LPIN2: variants seen among roughly 807,000 people sequenced by gnomAD.
The protein encoded by LPIN2 is lipin 2.
Under a neutral mutation model 111.4 loss-of-function variants are expected in LPIN2, and 55 were observed. The ratio of observed to expected loss-of-function variants is 0.49; its 90% CI spans 0.40 to 0.62. The LOEUF (loss-of-function observed/expected upper bound fraction) is 0.62. Ranked by LOEUF, LPIN2 falls within the 20% of genes least tolerant of loss-of-function variation. The pLI is 0.00. For missense variants in LPIN2, 992 were observed against 1,112.1 expected (o/e 0.89, Z 1.54); for synonymous variants, 425 against 414.0 (o/e 1.03, Z -0.32).
At chr18:2,994,979 C>G (rs940610761) in intron 1 of LPIN2, among the ~76,000 whole-genome samples, 2 of 152,126 alleles carry the variant, frequency 1.3e-5, no homozygotes, top group African/African-American at 4.8e-5. Context: ...CCACAGCTCT[C>G]CCACTTGATA....
In LPIN2 at chr18:2,918,260, A is replaced by C. The variant is rs1188752650; in HGVS notation, c.*2033T>G. The C allele has an allele frequency of 6.6e-6, 1 of 152,348 alleles. No homozygotes were observed. Among genetic ancestry groups the C allele is most frequent in the Middle Eastern group, 3.4e-3 (1 of 294 alleles). The allele number at this position is 152,348 out of a possible 1,614,324, so 9.4% of individuals were successfully genotyped here. ...TAAGAAGGCCCATGTGTCCAAAGAG[A>C]AGAGCTGTCAAGAAAAAGAAACTAG... On this transcript the variant is annotated 3_prime_UTR_variant, in exon 20 of 20. Coordinates refer to ENST00000677752, the MANE Select transcript of LPIN2 (RefSeq NM_001375808.2).
chr18:2,989,285 C>T (rs1002911163), intron 1 of LPIN2, among the ~76,000 whole-genome samples: 2 of 151,796 alleles, frequency 1.3e-5, no homozygotes, highest in Non-Finnish European at 2.9e-5. Context: ...TTTCTAAAAT[C>T]TCAAACATTA....
chr18:2,996,369 T>C (rs1468492619), intron 1 of LPIN2, among the ~76,000 whole-genome samples: 1 of 151,708 alleles, frequency 6.6e-6, no homozygotes, highest in Admixed American at 6.6e-5. Context: ...GGTTCTTTTA[T>C]AATGTCCATC....
intron 1 of LPIN2, among the ~76,000 whole-genome samples, chr18:2,995,847 C>T (rs1228847386): frequency 6.6e-6 from 1 of 152,098 alleles, no homozygotes; most frequent in Non-Finnish European, 1.5e-5. Context: ...AAAATGTTTT[C>T]CAGAATGACA....
chr18:2,987,876 T>G (rs1391463132), intron 1 of LPIN2, among the ~76,000 whole-genome samples: 2 of 151,818 alleles, frequency 1.3e-5, no homozygotes, highest in African/African-American at 4.8e-5. Flanking sequence ...TCATCTCTAC[T>G]AAAAATACAA....
intron 14 of LPIN2, 126 bp from the exon 15 acceptor site, chr18:2,924,672 A>G (rs2077104522): frequency 1.8e-5 from 17 of 922,434 alleles, no homozygotes; most frequent in Non-Finnish European, 2.9e-5. Flanking sequence ...GGGGTCTTAG[A>G]CACAGCCCAC....
intron 7 of LPIN2, among the ~76,000 whole-genome samples, chr18:2,935,988 G>T (rs887832124): frequency 7.2e-5 from 11 of 152,192 alleles, no homozygotes; most frequent in African/African-American, 2.7e-4. Context: ...AAAAGAACTG[G>T]ATTTCCCCCC....
rs55844718 is a variant in LPIN2 at position 2,956,311 on chromosome 18, G to GGTGTGTGTGTGTGTGT, written c.193-1728_193-1713dup. ...CATGATTTTCATATATAGATGCAGG[G>GGTGTGTGTGTGTGTGT]GTGTGTGTGTGTGTGTGTGTGTGTG... On this transcript the variant is annotated intron_variant, in intron 2 of 19. Coordinates refer to ENST00000677752, the MANE Select transcript of LPIN2 (RefSeq NM_001375808.2). Among the ~76,000 whole-genome samples, 715 of 144,036 alleles carry GGTGTGTGTGTGTGTGT rather than the reference G, an allele frequency of 5.0e-3. 14 individuals carry two copies. The highest frequency in any genetic ancestry group is 0.015 in the South Asian group (70 of 4,538). 94.5% of individuals were successfully genotyped at this position (144,036 alleles called of 152,430 possible).
intron 1 of LPIN2, among the ~76,000 whole-genome samples, chr18:3,012,587 C>T (rs1225730070): frequency 6.6e-6 from 1 of 152,200 alleles, no homozygotes; most frequent in African/African-American, 2.4e-5. Context: ...GAAGAAACAC[C>T]AGCAACTCGG....
Position 2,926,745 on chromosome 18 carries a change from A to G in LPIN2, c.1771T>C (p.Ser591Pro). 1 of 1,613,494 alleles carries G rather than the reference A, an allele frequency of 6.2e-7. No individual in the cohort carries two copies. Among genetic ancestry groups the G allele is most frequent in the Non-Finnish European group, 8.5e-7 (1 of 1,179,992 alleles). ...APPASDLPSSSKEPAGARPAE... is the reference protein window; with the variant it reads ...APPASDLPSSPKEPAGARPAE... The stretch of plus-strand genomic sequence containing the variant: ...CACCTGGCACCGGCCGGCTCCTTGG[A>G]GCTGGATGGCAGGTCACTGGCTGGC... The change falls in exon 13 of 20, where the codon TCC (serine) becomes CCC (proline). Residue 591 changes from serine to proline, a missense_variant. Transcript: ENST00000677752.
chr18:3,006,602 C>T (rs2078519082), intron 1 of LPIN2, among the ~76,000 whole-genome samples: 2 of 152,086 alleles, frequency 1.3e-5, no homozygotes, highest in African/African-American at 4.8e-5. Context: ...CTTTGGGAGG[C>T]CGAGGCAGGG....
chr18:2,963,858 T>C (rs2077748395), intron 1 of LPIN2, among the ~76,000 whole-genome samples: 1 of 151,948 alleles, frequency 6.6e-6, no homozygotes, highest in Non-Finnish European at 1.5e-5. Flanking sequence ...TTCTAACACA[T>C]CTCTGAAATA....
At position 2,925,145 on chromosome 18, in the gene LPIN2, G is replaced by A. The variant is rs1218186092; in HGVS notation, c.1938+79C>T. On this transcript the variant is annotated intron_variant, in intron 14 of 19. Coordinates refer to ENST00000677752, the MANE Select transcript of LPIN2 (RefSeq NM_001375808.2). The surrounding 1 kb of genome is among the most constrained non-coding windows in gnomAD (Gnocchi z 4.1). Reference sequence around the variant, plus strand: ...GGCGTGTATGCAGCTGGGGACGTGTGGACAGAAGAGGATGTGCATCAAATT... The same window carrying A: ...GGCGTGTATGCAGCTGGGGACGTGTAGACAGAAGAGGATGTGCATCAAATT... 1.3e-6 allele frequency: 2 copies of A among 1,552,402 alleles called. No individual in the cohort carries two copies. Among genetic ancestry groups the A allele is most frequent in the East Asian group, 4.5e-5 (2 of 44,514 alleles).
chr18:2,926,507 C>T (rs934630529), intron 13 of LPIN2, among the ~76,000 whole-genome samples: 3 of 152,090 alleles, frequency 2.0e-5, no homozygotes, highest in Non-Finnish European at 2.9e-5. Context: ...GCTGGCGCCA[C>T]GGCTCCACAA....
intron 1 of LPIN2, among the ~76,000 whole-genome samples, chr18:2,975,672 A>G (rs1026147061): frequency 5.0e-4 from 76 of 152,296 alleles, no homozygotes; most frequent in African/African-American, 1.8e-3. Context: ...TGAACATAAA[A>G]GTGTGTTTTA....
chr18:3,000,926 T>TAA (rs11405069), intron 1 of LPIN2, among the ~76,000 whole-genome samples: 3,941 of 143,318 alleles, frequency 0.027, 97 homozygotes, highest in African/African-American at 0.06. Context: ...AGAAAGGTGC[T>TAA]AAAAAAAATG....
intron 1 of LPIN2, among the ~76,000 whole-genome samples, chr18:2,996,736 CA>C (rs2078351270): frequency 6.6e-6 from 1 of 152,046 alleles, no homozygotes; most frequent in Non-Finnish European, 1.5e-5. Flanking sequence ...CTCGGCCTTC[CA>C]AAGTGCTGGG....
At chr18:2,986,346 A>AT (rs2078185019) in intron 1 of LPIN2, among the ~76,000 whole-genome samples, 1 of 152,208 alleles carries the variant, frequency 6.6e-6, no homozygotes. Context: ...GTGGCTGGCA[A>AT]TTTCACTGAA....
chr18:2,994,182 T>A (rs1050315884), intron 1 of LPIN2, among the ~76,000 whole-genome samples: 4 of 152,224 alleles, frequency 2.6e-5, no homozygotes, highest in Admixed American at 6.5e-5. Context: ...CTGCCTTTAG[T>A]CCTGGGTCCT....
Sources: gnomAD v4.1 joint callset for allele counts (sites outside exome capture counted in the v4.1 genomes callset) on GRCh38, gnomAD v4.1.1 for gene constraint, Gnocchi (gnomAD v3.1) non-coding constraint, MANE v1.5 for transcripts, NCBI Gene and HGNC (gene_info 2026-07-23, HGNC 2026-07-21) for gene names.